Variants in NRK observed in about 807,000 individuals in gnomAD.
The protein encoded by NRK is Nik related kinase.
In NRK, 67 loss-of-function variants were observed where a neutral mutation model predicts 125.2. The ratio of observed to expected loss-of-function variants is 0.54; its 90% CI spans 0.44 to 0.66. The LOEUF is 0.66. Ranked by LOEUF, NRK falls within the 30% of genes least tolerant of loss-of-function variation. NRK has a pLI of 0.00. For synonymous variants in NRK, 458 were observed against 429.0 expected (o/e 1.07, Z -0.84); for missense variants, 1,224 against 1,192.9 (o/e 1.03, Z -0.38).
chrX:105,908,585 A>G, intron 12 of NRK, 142 bp from the exon 13 acceptor site: 1 of 769,043 alleles, frequency 1.3e-6, no homozygotes, highest in Non-Finnish European at 1.8e-6. Context: ...TCAGACATCA[A>G]GGGAATGATT....
chrX:105,897,297 A>C (rs2040097221), intron 7 of NRK, among the ~76,000 whole-genome samples: 1 of 112,594 alleles, frequency 8.9e-6, no homozygotes, highest in African/African-American at 3.2e-5. Flanking sequence ...GTTTTTAAGC[A>C]ACATAGTATA....
chrX:105,830,916 C>T, intron 1 of NRK, 138 bp from the exon 2 acceptor site: 1 of 416,159 alleles, frequency 2.4e-6, no homozygotes, highest in East Asian at 4.6e-5. Context: ...CAACATGGCA[C>T]ATGTATACAT....
chrX:105,866,351 C>A (rs2039671705), intron 2 of NRK, among the ~76,000 whole-genome samples: 1 of 110,713 alleles, frequency 9.0e-6, no homozygotes, highest in Non-Finnish European at 1.9e-5. Context: ...AATTAGCAAG[C>A]TTGGACCCAT....
At chrX:105,904,309 A>T (rs1417554864) in intron 9 of NRK, among the ~76,000 whole-genome samples, 1 of 111,801 alleles carries the variant, frequency 8.9e-6, no homozygotes, top group African/African-American at 3.2e-5. Flanking sequence ...GAAAAAACCA[A>T]ATTTCCCAAA....
At chrX:105,948,774 T>C (rs1569321332) in intron 26 of NRK, 2 of 447,277 alleles carry the variant, frequency 4.5e-6, no homozygotes, top group African/African-American at 6.1e-5. Flanking sequence ...GTATAGTTTC[T>C]GACTTTTTTT....
Position 105,958,142 on chromosome X carries a change from G to A in NRK, c.*2542G>A, listed in dbSNP as rs931492122. The A allele has an allele frequency of 8.9e-6, 1 of 111,932 alleles. No homozygotes were observed. Among genetic ancestry groups the A allele is most frequent in the Non-Finnish European group, 1.9e-5 (1 of 53,226 alleles). The allele number at this position is 111,932 out of a possible 1,213,427, so 9.2% of individuals were successfully genotyped here. Reference sequence around the variant, plus strand: ...ACAAAGCCCTTGTCTAAAATAAAAGGCATTATTGGAAATATTTGAAAACTA... The same window carrying A: ...ACAAAGCCCTTGTCTAAAATAAAAGACATTATTGGAAATATTTGAAAACTA... On this transcript the variant is annotated 3_prime_UTR_variant, in exon 29 of 29. Coordinates refer to ENST00000243300, the MANE Select transcript of NRK (RefSeq NM_198465.4).
chrX:105,864,599 C>T (rs560528378), intron 2 of NRK, among the ~76,000 whole-genome samples: 9 of 111,108 alleles, frequency 8.1e-5, no homozygotes, highest in Admixed American at 3.8e-4. Context: ...CACACAGACA[C>T]GCACACATAT....
chrX:105,949,522 A>G, intron 26 of NRK, 53 bp from the exon 27 acceptor site: 1 of 999,700 alleles, frequency 1.0e-6, no homozygotes, highest in Non-Finnish European at 1.4e-6. Context: ...CTTCGATTAA[A>G]GTAGTAGTGA....
intron 16 of NRK, 133 bp downstream of exon 16, chrX:105,917,805 G>C: frequency 2.7e-6 from 1 of 374,795 alleles, no homozygotes; most frequent in Non-Finnish European, 4.6e-6. Flanking sequence ...GTAGGATTAG[G>C]ACCTGAAGGC....
At chrX:105,830,314 C>CAAAAAAAAAAAAAAA (rs71932033) in intron 1 of NRK, among the ~76,000 whole-genome samples, 1 of 11,051 alleles carries the variant, frequency 9.0e-5, no homozygotes, top group Non-Finnish European at 1.5e-4. Context: ...AACTCCGTCG[C>CAAAAAAAAAAAAAAA]AAAAAAAAAA....
At chrX:105,837,964 G>C (rs752840823) in intron 2 of NRK, among the ~76,000 whole-genome samples, 1 of 111,408 alleles carries the variant, frequency 9.0e-6, no homozygotes, top group East Asian at 2.8e-4. Context: ...GACTCTCCCA[G>C]TAACTGACAG....
intron 4 of NRK, among the ~76,000 whole-genome samples, chrX:105,887,471 T>G (rs1459146148): frequency 8.9e-6 from 1 of 111,884 alleles, no homozygotes; most frequent in Non-Finnish European, 1.9e-5. Context: ...CCTGCATACA[T>G]TGCTCTTGGT....
At chrX:105,943,125 A>C (rs965146655) in intron 23 of NRK, among the ~76,000 whole-genome samples, 6 of 111,718 alleles carry the variant, frequency 5.4e-5, no homozygotes, top group Non-Finnish European at 1.1e-4. Flanking sequence ...AAGGTCATCA[A>C]GATTTATCCC....
At chrX:105,941,826 TAG>T (rs765441084) in intron 23 of NRK, among the ~76,000 whole-genome samples, 122 of 111,311 alleles carry the variant, frequency 1.1e-3, no homozygotes, top group African/African-American at 3.8e-3. Context: ...AGGAGGTCTA[TAG>T]AGTTATGTGA....
At chrX:105,946,778 A>G (rs2040818692) in intron 26 of NRK, among the ~76,000 whole-genome samples, 1 of 111,742 alleles carries the variant, frequency 8.9e-6, no homozygotes, top group African/African-American at 3.3e-5. Flanking sequence ...ACCAGATAGC[A>G]TCAGTGCCAC....
chrX:105,825,798 C>T (rs1333510377), intron 1 of NRK, among the ~76,000 whole-genome samples: 2 of 110,050 alleles, frequency 1.8e-5, no homozygotes, highest in African/African-American at 6.6e-5. Context: ...TAGATCAATT[C>T]CATTATGTTT....
intron 23 of NRK, among the ~76,000 whole-genome samples, chrX:105,943,539 A>C (rs976585375): frequency 1.7e-4 from 19 of 112,171 alleles, no homozygotes; most frequent in Non-Finnish European, 5.6e-5. Flanking sequence ...TATAGGATCA[A>C]CTTTTCCATT....
intron 2 of NRK, among the ~76,000 whole-genome samples, chrX:105,853,492 C>T (rs1191846316): frequency 9.0e-6 from 1 of 111,681 alleles, no homozygotes; most frequent in Non-Finnish European, 1.9e-5. Context: ...CCTGACACTG[C>T]CCCACCAACC....
chrX:105,945,198 T>C (rs957766838), intron 24 of NRK, among the ~76,000 whole-genome samples: 3 of 111,379 alleles, frequency 2.7e-5, no homozygotes, highest in Non-Finnish European at 5.6e-5. Context: ...GGTCTGGGAA[T>C]TGATATTTTT....
Sources: allele counts gnomAD v4.1 joint callset (sites outside exome capture counted in the v4.1 genomes callset), GRCh38; gene constraint gnomAD v4.1.1; transcripts MANE v1.5; gene names NCBI Gene and HGNC (gene_info 2026-07-23, HGNC 2026-07-21).